MYOM3: variants seen among roughly 807,000 people sequenced by gnomAD.
MYOM3 encodes the protein myomesin-3.
In MYOM3, 155 loss-of-function variants were observed where a neutral mutation model predicts 191.7. That is an observed-to-expected ratio of 0.81 (90% CI 0.71 to 0.92). The LOEUF (loss-of-function observed/expected upper bound fraction) is 0.92, where lower values mean the gene tolerates loss of function less well. Ranked by LOEUF, MYOM3 falls within the 40% of genes least tolerant of loss-of-function variation. MYOM3 has a pLI of 0.00. For missense variants in MYOM3, 1,889 were observed against 1,890.6 expected (o/e 1.00, Z 0.02); for synonymous variants, 757 against 762.9 (o/e 0.99, Z 0.13).
rs1423881078 is a variant in MYOM3 at position 24,057,327 on chromosome 1, T to A, written c.*37A>T. The A allele has an allele frequency of 1.9e-6, 3 of 1,594,766 alleles. No individual in the cohort carries two copies. Among genetic ancestry groups the A allele is most frequent in the Admixed American group, 1.7e-5 (1 of 59,330 alleles). On this transcript the variant is annotated 3_prime_UTR_variant, in exon 37 of 37. Coordinates refer to ENST00000374434, the MANE Select transcript of MYOM3 (RefSeq NM_152372.4). Reference sequence around the variant, plus strand: ...GGTACAGGTTGTCCCTACTGGTCCATGTAGACTAGACTCAGACTGTGCCTG... The same window carrying A: ...GGTACAGGTTGTCCCTACTGGTCCAAGTAGACTAGACTCAGACTGTGCCTG...
chr1:24,086,865 G>A (rs764403062), intron 14 of MYOM3, 38 bp from the exon 15 acceptor site: 25 of 1,591,972 alleles, frequency 1.6e-5, no homozygotes, highest in South Asian at 2.3e-5. Context: ...CTAACTGGTC[G>A]CCCAGACCGG....
rs1643667235 is a variant in MYOM3 at position 24,081,443 on chromosome 1, T to A, written c.2294A>T (p.His765Leu). ...ACGGAACTCATAGAAGTGGCCTTCATGAAGGTCACTGACCTTTAAGAGCAG... is the reference window on the plus strand; with the variant it reads ...ACGGAACTCATAGAAGTGGCCTTCAAGAAGGTCACTGACCTTTAAGAGCAG... ...PTRVCKVSDL[H>L]EGHFYEFRAR... is the part of the protein sequence containing the mutation. Residue 765 changes from histidine to leucine, a missense_variant, in exon 19 of 37, where the codon CAT (histidine) becomes CTT (leucine). Physicochemically the swap from His to Leu is moderately conservative, Grantham distance 99 (BLOSUM62 -3). Transcript: ENST00000374434. 6.2e-7 allele frequency: 1 copy of A among 1,613,954 alleles called. No homozygotes were observed. The highest frequency in any genetic ancestry group is 1.3e-5 in the African/African-American group (1 of 74,922).
chr1:24,086,865 G>T (rs764403062), intron 14 of MYOM3, 38 bp from the exon 15 acceptor site: 2 of 1,592,090 alleles, frequency 1.3e-6, no homozygotes, highest in South Asian at 1.1e-5. Context: ...CTAACTGGTC[G>T]CCCAGACCGG....
At position 24,084,564 on chromosome 1, in the gene MYOM3, A is replaced by G. The variant is rs202183910; in HGVS notation, c.1874T>C (p.Val625Ala). The G allele has an allele frequency of 2.9e-4, 462 of 1,614,066 alleles. 2 individuals are homozygous for G. In the African/African-American group the frequency reaches 4.5e-3, roughly 16 times the overall value. ...ATAACCCAGGAGCTCTGGGTCTTTCACAGGATCCCATGTCAGGGAGACAGA... is the reference window on the plus strand; with the variant it reads ...ATAACCCAGGAGCTCTGGGTCTTTCGCAGGATCCCATGTCAGGGAGACAGA... ...QTSVSLTWDP[V>A]KDPELLGYYI... The change falls in exon 16 of 37, where the codon GTG becomes GCG. Residue 625 changes from valine (V) to alanine (A), a missense_variant. By Grantham distance (64) the Val-to-Ala change is moderately conservative. Coordinates refer to ENST00000374434, the MANE Select transcript of MYOM3 (RefSeq NM_152372.4).
chr1:24,066,936 G>T lies in MYOM3; in HGVS notation c.3423+85C>A, dbSNP rs569092700. On this transcript the variant is annotated intron_variant, in intron 28 of 36. Coordinates refer to ENST00000374434, the MANE Select transcript of MYOM3 (RefSeq NM_152372.4). ...ACAGAGTATGGAATTTAGGGGGCCG[G>T]GTGGGCAGGGACAGCAACTGGGCTT... 7 of 1,266,148 alleles carry T rather than the reference G, an allele frequency of 5.5e-6. No homozygotes were observed. The East Asian group carries it at 1.6e-4, about 28-fold the overall frequency. The allele number at this position is 1,266,148 out of a possible 1,614,324, so 78.4% of individuals were successfully genotyped here.
intron 34 of MYOM3, 75 bp downstream of exon 34, chr1:24,061,198 G>C: frequency 6.2e-7 from 1 of 1,604,466 alleles, no homozygotes; most frequent in Admixed American, 1.7e-5. Flanking sequence ...CTCCCAGGAA[G>C]GAGTCCTGAG....
At chr1:24,093,805 C>T (rs1225312344) in intron 9 of MYOM3, among the ~76,000 whole-genome samples, 1 of 152,172 alleles carries the variant, frequency 6.6e-6, no homozygotes, top group Non-Finnish European at 1.5e-5. Context: ...CTGATGGCTC[C>T]CATACTCCCT....
At position 24,086,836 on chromosome 1, in the gene MYOM3, A is replaced by G; in HGVS notation, c.1615-9T>C. 1 of 1,613,138 alleles carries G rather than the reference A, an allele frequency of 6.2e-7. No homozygotes were observed. Among genetic ancestry groups the G allele is most frequent in the Non-Finnish European group, 8.5e-7 (1 of 1,179,410 alleles). ...CCACTACCTATGACTGACTGAAGAA[A>G]CAGAGGGACTCACATTGGCTAACTG... On this transcript the variant is annotated splice_polypyrimidine_tract_variant and intron_variant, in intron 14 of 36. Coordinates refer to ENST00000374434, the MANE Select transcript of MYOM3 (RefSeq NM_152372.4).
chr1:24,075,233 T>C, intron 22 of MYOM3, 86 bp downstream of exon 22: 1 of 1,379,690 alleles, frequency 7.2e-7, no homozygotes, highest in Non-Finnish European at 1.0e-6. Context: ...GGTCCTGCCC[T>C]GTGGTCTCAG....
chr1:24,067,028 G>C lies in MYOM3; in HGVS notation c.3416C>G (p.Thr1139Arg), dbSNP rs369450542. ...GGGCAGGGCAGGACTTGCCTTGCAC[G>C]TCAGCTGCACTTGGCAGTCCTCCGT... ...KVTEDCQVQL[T>R]CKVTNTKKET... Residue 1139 changes from threonine to arginine, a missense_variant, in exon 28 of 37, where the codon ACG becomes AGG. Transcript: ENST00000374434. 3 of 1,571,256 alleles carry C rather than the reference G, an allele frequency of 1.9e-6. No individual in the cohort carries two copies. The highest frequency in any genetic ancestry group is 2.6e-6 in the Non-Finnish European group (3 of 1,156,486).
chr1:24,064,506 G>T (rs1312000965), intron 29 of MYOM3, among the ~76,000 whole-genome samples: 1 of 152,174 alleles, frequency 6.6e-6, no homozygotes, highest in Non-Finnish European at 1.5e-5. Context: ...GCTTGTCTGG[G>T]CCTGGCCCAC....
chr1:24,057,696 C>T, intron 36 of MYOM3, 69 bp from the exon 37 acceptor site: 1 of 1,441,588 alleles, frequency 6.9e-7, no homozygotes, highest in East Asian at 2.3e-5. Flanking sequence ...TGCTTTCATG[C>T]CCCCAGAGAG....
At chr1:24,086,858 ACTGGTCGCCCAGACCGGCT>A in intron 14 of MYOM3, 31 bp from the exon 15 acceptor site, 1 of 1,606,870 alleles carries the variant, frequency 6.2e-7, no homozygotes, top group South Asian at 1.1e-5. Flanking sequence ...ACATTGGCTA[ACTGGTCGCCCAGACCGGCT>A]CTGTGCTGGT....
chr1:24,086,208 C>T (rs921592926), intron 15 of MYOM3, among the ~76,000 whole-genome samples: 1 of 152,042 alleles, frequency 6.6e-6, no homozygotes, highest in African/African-American at 2.4e-5. Flanking sequence ...CCCAGGTCCC[C>T]CGTTATGCTG....
Position 24,067,325 on chromosome 1 carries a change from CTTCTTTCTTTCTTTCTTTCTTTCT to C in MYOM3, c.3356-261_3356-238del, listed in dbSNP as rs796793986. On this transcript the variant is annotated intron_variant, in intron 27 of 36. Coordinates refer to ENST00000374434, the MANE Select transcript of MYOM3 (RefSeq NM_152372.4). ...CTTTCCTTCTTTCTTTCTTTCTTTCCTTCTTTCTTTCTTTCTTTCTTTCTTTCTTTCTTTCTTTCTTTCTTTCCT... is the reference window on the plus strand; with the variant it reads ...CTTTCCTTCTTTCTTTCTTTCTTTCCTTCTTTCTTTCTTTCTTTCTTTCCT... 5.1e-5 allele frequency among the ~76,000 whole-genome samples: 3 copies of C among 58,916 alleles called. No individual in the cohort carries two copies. The Admixed American group carries it at 5.8e-4, about 11-fold the overall frequency. The allele number at this position is 58,916 out of a possible 152,430, so 38.7% of individuals were successfully genotyped here. A position where few individuals can be genotyped will look rare whatever the true frequency, so the allele number is the denominator to read the frequency against.
At position 24,092,197 on chromosome 1, in the gene MYOM3, G is replaced by A. The variant is rs1643847498; in HGVS notation, c.1209C>T (p.Pro403=). The change falls in exon 11 of 37, where the codon CCC becomes CCT. Residue 403 remains proline (P), a synonymous_variant. Transcript: ENST00000374434. ...ACCGCTCAATGGTGTAGGCAGTGAT[G>A]GGGTTGCCCCGGGTGTCACTGGGCG... is the stretch of plus-strand genomic sequence containing the variant. The part of the protein sequence containing the change: ...WAPPSDTRGN[P]ITAYTIERCQ... 1.4e-6 allele frequency: 2 copies of A among 1,462,488 alleles called. No homozygotes were observed. The highest frequency in any genetic ancestry group is 2.3e-5 in the Admixed American group (1 of 42,592). 90.6% of individuals were successfully genotyped at this position (1,462,488 alleles called of 1,614,324 possible).
chr1:24,058,455 T>C (rs1020955103), intron 36 of MYOM3, among the ~76,000 whole-genome samples: 3 of 152,180 alleles, frequency 2.0e-5, no homozygotes, highest in Admixed American at 6.5e-5. Context: ...TCCTCAGCTA[T>C]AAACTATGAT....
intron 9 of MYOM3, 118 bp from the exon 10 acceptor site, chr1:24,093,226 T>G: frequency 1.5e-6 from 1 of 678,848 alleles, no homozygotes; most frequent in African/African-American, 1.8e-5. Flanking sequence ...CTGGTGAGGC[T>G]CAGCTCAGGC....
intron 35 of MYOM3, 33 bp from the exon 36 acceptor site, chr1:24,059,012 T>C: frequency 6.4e-7 from 1 of 1,552,034 alleles, no homozygotes; most frequent in Non-Finnish European, 8.9e-7. Flanking sequence ...CAGCGATGAA[T>C]CCTTTTCTGC....
Sources: gnomAD v4.1 joint callset for allele counts (sites outside exome capture counted in the v4.1 genomes callset) on GRCh38, gnomAD v4.1.1 for gene constraint, MANE v1.5 for transcripts, NCBI Gene and HGNC (gene_info 2026-07-23, HGNC 2026-07-21) for gene names.